Variants in ZBTB20 observed in about 807,000 individuals in gnomAD.
ZBTB20 encodes zinc finger and BTB domain containing 20, also known as zinc finger and BTB domain-containing protein 20.
In ZBTB20, 9 loss-of-function variants were observed where a neutral mutation model predicts 56.9. The observed-to-expected ratio is 0.16, with a 90% CI of 0.10 to 0.28. ZBTB20 has a LOEUF of 0.28. Ranked by LOEUF, ZBTB20 falls within the 10% of genes least tolerant of loss-of-function variation. The pLI, the probability that ZBTB20 is intolerant of heterozygous loss-of-function variation, is 1.00. For missense variants in ZBTB20, 655 were observed against 1,003.0 expected (o/e 0.65, Z 4.69); for synonymous variants, 417 against 420.7 (o/e 0.99, Z 0.11).
intron 2 of ZBTB20, among the ~76,000 whole-genome samples, chr3:114,992,382 G>A (rs1281320994): frequency 6.6e-6 from 1 of 151,958 alleles, no homozygotes; most frequent in East Asian, 1.9e-4. Flanking sequence ...TAAAAGTCAA[G>A]ACAGGGAGAT....
At chr3:114,817,303 G>A (rs919079540) in intron 4 of ZBTB20, among the ~76,000 whole-genome samples, 3 of 151,902 alleles carry the variant, frequency 2.0e-5, no homozygotes, top group African/African-American at 7.3e-5. Flanking sequence ...TGGATCACCT[G>A]AGGTCAGGAG....
chr3:114,758,533 T>TA (rs1399298395), intron 5 of ZBTB20, among the ~76,000 whole-genome samples: 2 of 152,292 alleles, frequency 1.3e-5, no homozygotes, highest in East Asian at 3.9e-4. Flanking sequence ...TTCGAAACAC[T>TA]GTATGACGTG....
chr3:114,471,324 T>A (rs1401525479), intron 7 of ZBTB20, among the ~76,000 whole-genome samples: 2 of 152,330 alleles, frequency 1.3e-5, no homozygotes. Context: ...GGTAAATAAC[T>A]AGTTCAAGGT....
intron 7 of ZBTB20, among the ~76,000 whole-genome samples, chr3:114,443,962 T>C (rs963911565): frequency 8.5e-5 from 13 of 152,180 alleles, no homozygotes; most frequent in Non-Finnish European, 1.8e-4. Flanking sequence ...AAATGAAATA[T>C]GGCAAGGCTC....
At chr3:114,995,319 A>G (rs1345267617) in intron 2 of ZBTB20, among the ~76,000 whole-genome samples, 2 of 151,894 alleles carry the variant, frequency 1.3e-5, no homozygotes, top group Admixed American at 1.3e-4. Context: ...TTCGTGCCTT[A>G]TTATACTTTT....
At chr3:114,931,811 G>C (rs2076371620) in intron 3 of ZBTB20, among the ~76,000 whole-genome samples, 2 of 152,008 alleles carry the variant, frequency 1.3e-5, no homozygotes, top group South Asian at 2.1e-4. Context: ...TGTAATAAAA[G>C]TTTACAACTT....
intron 7 of ZBTB20, among the ~76,000 whole-genome samples, chr3:114,464,217 T>C (rs947933321): frequency 3.3e-5 from 5 of 152,244 alleles, no homozygotes; most frequent in Non-Finnish European, 5.9e-5. Flanking sequence ...AAAGTGTCCA[T>C]AGATAAATGC....
At chr3:115,091,641 G>C (rs1165103269) in intron 1 of ZBTB20, among the ~76,000 whole-genome samples, 1 of 150,730 alleles carries the variant, frequency 6.6e-6, no homozygotes, top group Non-Finnish European at 1.5e-5. Context: ...AAGTAAAAAG[G>C]CTCCAAACTT....
chr3:114,547,548 A>ATCTTTTTC (rs2050042568), intron 6 of ZBTB20, among the ~76,000 whole-genome samples: 1 of 152,208 alleles, frequency 6.6e-6, no homozygotes, highest in Non-Finnish European at 1.5e-5. Context: ...AGTAATTGAA[A>ATCTTTTTC]AAGAAAACTG....
chr3:114,792,928 T>C (rs966965288), intron 5 of ZBTB20, among the ~76,000 whole-genome samples: 3 of 148,662 alleles, frequency 2.0e-5, no homozygotes, highest in South Asian at 4.3e-4. Context: ...CAGGCTGGAG[T>C]GCAATGGTGC....
intron 10 of ZBTB20, among the ~76,000 whole-genome samples, chr3:114,369,539 C>T (rs1002037205): frequency 3.1e-4 from 47 of 152,142 alleles, no homozygotes; most frequent in African/African-American, 1.1e-3. Context: ...AACAAAGTAT[C>T]GTTTGATTCA....
intron 5 of ZBTB20, among the ~76,000 whole-genome samples, chr3:114,730,266 G>A: frequency 6.6e-6 from 1 of 152,032 alleles, no homozygotes; most frequent in Admixed American, 6.6e-5. Context: ...TGAGCAACAG[G>A]ATATACATAA....
chr3:114,849,539 T>G (rs1336246332), intron 4 of ZBTB20, among the ~76,000 whole-genome samples: 1 of 152,260 alleles, frequency 6.6e-6, no homozygotes, highest in Admixed American at 6.5e-5. Context: ...TTTTGTGTTT[T>G]GTTTTCTAAT....
At chr3:114,924,414 C>A (rs1161077138) in intron 3 of ZBTB20, among the ~76,000 whole-genome samples, 1 of 152,128 alleles carries the variant, frequency 6.6e-6, no homozygotes, top group Non-Finnish European at 1.5e-5. Flanking sequence ...TTTTCAACAA[C>A]ATGAATGAAT....
At chr3:114,378,109 A>T (rs1315628673) in intron 10 of ZBTB20, among the ~76,000 whole-genome samples, 3 of 152,154 alleles carry the variant, frequency 2.0e-5, no homozygotes, top group African/African-American at 7.2e-5. Context: ...AAAAAAAAAA[A>T]ATCCTCTTGA....
chr3:114,840,761 A>C (rs1166723895), intron 4 of ZBTB20, among the ~76,000 whole-genome samples: 1 of 152,194 alleles, frequency 6.6e-6, no homozygotes, highest in Non-Finnish European at 1.5e-5. Flanking sequence ...TAGTTCTCAC[A>C]ATAATTTTAT....
At position 114,748,332 on chromosome 3, in the gene ZBTB20, T is replaced by C. The variant is rs1409580777; in HGVS notation, c.-343+52769A>G. ...TTTCTTTCTTTCTTTCTTTCTTTCT[T>C]TCTTCTTTCTTTCTTTCTTTTCTCT... On this transcript the variant is annotated intron_variant, in intron 5 of 11. Coordinates refer to ENST00000675478, the MANE Select transcript of ZBTB20 (RefSeq NM_001348800.3). 3.5e-3 allele frequency among the ~76,000 whole-genome samples: 393 copies of C among 112,702 alleles called. 1 individual carries two copies. Among genetic ancestry groups the C allele is most frequent in the African/African-American group, 0.012 (310 of 26,624 alleles). 73.9% of individuals were successfully genotyped at this position (112,702 alleles called of 152,430 possible).
chr3:114,444,155 T>TA (rs1240201803), intron 7 of ZBTB20, among the ~76,000 whole-genome samples: 1 of 152,198 alleles, frequency 6.6e-6, no homozygotes, highest in Admixed American at 6.5e-5. Context: ...CATACTTTGA[T>TA]AAGATAGTAA....
At chr3:114,550,087 G>A (rs1167112284) in intron 6 of ZBTB20, among the ~76,000 whole-genome samples, 3 of 151,674 alleles carry the variant, frequency 2.0e-5, no homozygotes, top group Non-Finnish European at 4.4e-5. Context: ...ACAGGTGCCC[G>A]CCACCATGCC....
Sources: gnomAD v4.1 joint callset for allele counts (sites outside exome capture counted in the v4.1 genomes callset) on GRCh38, gnomAD v4.1.1 for gene constraint, MANE v1.5 for transcripts, NCBI Gene and HGNC (gene_info 2026-07-23, HGNC 2026-07-21) for gene names.